Variants in COL4A4 observed in about 807,000 individuals in gnomAD.
COL4A4 encodes the protein collagen type IV alpha 4 chain.
Under a neutral mutation model 192.9 loss-of-function variants are expected in COL4A4, and 105 were observed. The ratio of observed to expected loss-of-function variants is 0.54; its 90% CI spans 0.46 to 0.64. The LOEUF (loss-of-function observed/expected upper bound fraction) is 0.64, where lower values mean the gene tolerates loss of function less well. Among genes scored for constraint, COL4A4 ranks in the 30% least tolerant of loss-of-function variants. The pLI is 0.00. For synonymous variants in COL4A4, 762 were observed against 769.9 expected (o/e 0.99, Z 0.17); for missense variants, 1,967 against 2,169.3 (o/e 0.91, Z 1.85).
chr2:227,108,859 C>CT lies in COL4A4; in HGVS notation c.666_667insA (p.Gly223ArgfsTer25). The CT allele has an allele frequency of 4.3e-6, 7 of 1,611,738 alleles. No individual in the cohort carries two copies. Among genetic ancestry groups the CT allele is most frequent in the Non-Finnish European group, 5.9e-6 (7 of 1,178,662 alleles). On this transcript the variant is annotated frameshift_variant, in exon 11 of 48. Coordinates refer to ENST00000396625, the MANE Select transcript of COL4A4 (RefSeq NM_000092.5). LOFTEE classifies it high-confidence loss of function. ...TTCAAACCTGGACGCCCTGGTTGGC[C>CT]CGGAGGTCCCTAAATCAAGGGAGAA...
At chr2:227,146,902 T>C (rs1301652335) in intron 2 of COL4A4, among the ~76,000 whole-genome samples, 1 of 152,164 alleles carries the variant, frequency 6.6e-6, no homozygotes, top group East Asian at 1.9e-4. Context: ...CCCATCCAGA[T>C]AGTCAAGCTC....
chr2:227,099,616 A>T lies in COL4A4; in HGVS notation c.1099+4T>A. The T allele has an allele frequency of 6.2e-7, 1 of 1,613,938 alleles. No individual in the cohort carries two copies. Among genetic ancestry groups the T allele is most frequent in the East Asian group, 2.2e-5 (1 of 44,878 alleles). ...TTATGGAGGAACTGAATAGGAACAC[A>T]AACCTTTGAGTGGAAGAGGTGGAGT... On this transcript the variant is annotated splice_donor_region_variant and intron_variant, in intron 18 of 47. Coordinates refer to ENST00000396625, the MANE Select transcript of COL4A4 (RefSeq NM_000092.5).
At chr2:227,000,407 A>G, downstream of COL4A4, among the ~76,000 whole-genome samples, 1 of 152,262 alleles carries the variant, frequency 6.6e-6, no homozygotes, top group East Asian at 1.9e-4. Flanking sequence ...TGGGGACCAG[A>G]AGAACATCTT....
rs1487588097 is a variant in COL4A4 at position 227,055,935 on chromosome 2, C to T, written c.2716+10G>A. ...AGATGGGAGGACATCATGGAAAAAG[C>T]ACTACCTACCCTTTGGACCTGGAGG... is the stretch of plus-strand genomic sequence containing the variant. On this transcript the variant is annotated intron_variant, in intron 30 of 47. Transcript: ENST00000396625. The T allele has an allele frequency of 6.2e-7, 1 of 1,610,966 alleles. No individual in the cohort carries two copies. Among genetic ancestry groups the T allele is most frequent in the East Asian group, 2.2e-5 (1 of 44,872 alleles).
rs765195717 is a variant in COL4A4 at position 227,109,293 on chromosome 2, A to T, written c.595-7T>A. The stretch of plus-strand genomic sequence containing the variant: ...CTCCTGCACCCCAAGATCCCTAAAC[A>T]TGAGAAAAATCAGTGCATCTGTTAC... On this transcript the variant is annotated splice_region_variant and splice_polypyrimidine_tract_variant and intron_variant, in intron 9 of 47. Coordinates refer to ENST00000396625, the MANE Select transcript of COL4A4 (RefSeq NM_000092.5). 8.7e-6 allele frequency: 14 copies of T among 1,613,246 alleles called. No homozygotes were observed. Among genetic ancestry groups the T allele is most frequent in the Non-Finnish European group, 1.2e-5 (14 of 1,179,254 alleles).
At chr2:227,134,827 G>A (rs532844196) in intron 4 of COL4A4, among the ~76,000 whole-genome samples, 5 of 152,266 alleles carry the variant, frequency 3.3e-5, no homozygotes, top group African/African-American at 1.2e-4. Flanking sequence ...TTTGACCTCC[G>A]TGTTTGTAAA....
chr2:227,140,098 T>C (rs1666454704), intron 4 of COL4A4, 63 bp downstream of exon 4: 1 of 1,422,646 alleles, frequency 7.0e-7, no homozygotes, highest in Non-Finnish European at 9.9e-7. Flanking sequence ...TTACTTTATA[T>C]TAAATATTCA....
chr2:227,086,065 G>C (rs1312540963), intron 22 of COL4A4, among the ~76,000 whole-genome samples: 4 of 152,252 alleles, frequency 2.6e-5, no homozygotes, highest in Non-Finnish European at 5.9e-5. Context: ...TCGGAGATGG[G>C]ATCTGAAGCT....
rs5839192 is a variant in COL4A4 at position 227,091,922 on chromosome 2, G to GAAAAGAAAAGA, written c.1370-1966_1370-1965insTCTTTTCTTTT. Among the ~76,000 whole-genome samples, 456 of 60,320 alleles carry GAAAAGAAAAGA rather than the reference G, an allele frequency of 7.6e-3. 3 individuals carry two copies. The highest frequency in any genetic ancestry group is 0.018 in the African/African-American group (412 of 22,840). 39.6% of individuals were successfully genotyped at this position (60,320 alleles called of 152,430 possible). ...AAGAAAAAAGAAAGAAAGAAAGAAA[G>GAAAAGAAAAGA]AAAGAAAAGAAAAGAAAAGAAAAGA... On this transcript the variant is annotated intron_variant, in intron 20 of 47. Transcript: ENST00000396625.
At chr2:227,109,312 C>T in intron 9 of COL4A4, 26 bp from the exon 10 acceptor site, 1 of 1,588,404 alleles carries the variant, frequency 6.3e-7, no homozygotes, top group African/African-American at 1.3e-5. Flanking sequence ...ATCAGTGCAT[C>T]TGTTACCCAA....
chr2:227,033,572 G>T, intron 37 of COL4A4, 91 bp from the exon 38 acceptor site: 1 of 1,120,520 alleles, frequency 8.9e-7, no homozygotes. Context: ...AGCAGAGGGC[G>T]CGTTGCTGGG....
the COL4A4 span, among the ~76,000 whole-genome samples, chr2:226,973,492 A>C: frequency 6.6e-6 from 1 of 152,100 alleles, no homozygotes; most frequent in Non-Finnish European, 1.5e-5. Context: ...CCATTCTAAG[A>C]TTGGTGTTTA....
rs751497878 is a variant in COL4A4, at chr2:227,121,132, G to A, written c.209C>T (p.Pro70Leu). The change falls in exon 5 of 48, where the codon CCA becomes CTA. Residue 70 changes from proline (P) to leucine (L), a missense_variant. Transcript: ENST00000396625. ...EKGSRGPPGP[P>L]GPQGPIGPLG... Reference sequence around the variant, plus strand: ...GGGTCCAATTGGACCCTGTGGCCCTGGTGGTCCTGGTGGACCCTGAGAAGG... The same window carrying A: ...GGGTCCAATTGGACCCTGTGGCCCTAGTGGTCCTGGTGGACCCTGAGAAGG... 8 of 1,613,990 alleles carry A rather than the reference G, an allele frequency of 5.0e-6. No homozygotes were observed. In the South Asian group the frequency reaches 8.8e-5, roughly 18 times the overall value.
chr2:227,141,737 T>C (rs1464391228), intron 3 of COL4A4, among the ~76,000 whole-genome samples: 9 of 152,126 alleles, frequency 5.9e-5, no homozygotes, highest in Non-Finnish European at 1.3e-4. Context: ...TTCAGAAATA[T>C]ATGCCTCTTG....
chr2:227,068,764 T>C (rs1189899094), intron 25 of COL4A4, among the ~76,000 whole-genome samples: 8 of 148,948 alleles, frequency 5.4e-5, no homozygotes, highest in Non-Finnish European at 7.5e-5. Flanking sequence ...AATATCATAC[T>C]GAATGGGCAA....
intron 37 of COL4A4, among the ~76,000 whole-genome samples, chr2:227,038,325 C>A (rs150446314): frequency 1.0e-3 from 154 of 152,170 alleles, no homozygotes; most frequent in African/African-American, 3.5e-3. Flanking sequence ...AAATAGGGAA[C>A]CCTTTCCCCA....
intron 18 of COL4A4, 34 bp downstream of exon 18, chr2:227,099,586 A>G (rs767921203): frequency 6.2e-6 from 10 of 1,602,102 alleles, no homozygotes; most frequent in Non-Finnish European, 1.7e-6. Flanking sequence ...CTATTTCTGC[A>G]TAATTTATGG....
intron 9 of COL4A4, 89 bp downstream of exon 9, chr2:227,111,589 T>G: frequency 7.1e-7 from 1 of 1,417,222 alleles, no homozygotes. Flanking sequence ...GCCGCACAAA[T>G]TATGTAGCTG....
At chr2:227,092,972 G>T (rs2060019826) in intron 20 of COL4A4, among the ~76,000 whole-genome samples, 1 of 152,186 alleles carries the variant, frequency 6.6e-6, no homozygotes, top group Admixed American at 6.5e-5. Flanking sequence ...AGCCACATGT[G>T]TTGAAATGAT....
Sources: allele counts gnomAD v4.1 joint callset (sites outside exome capture counted in the v4.1 genomes callset), GRCh38; gene constraint gnomAD v4.1.1; transcripts MANE v1.5; gene names NCBI Gene and HGNC (gene_info 2026-07-23, HGNC 2026-07-21).